Variants in CDK5RAP1 observed in about 807,000 individuals in gnomAD.
CDK5RAP1 encodes mitochondrial tRNA methylthiotransferase CDK5RAP1.
A neutral mutation model predicts 64.5 loss-of-function variants in CDK5RAP1; 62 were observed. The ratio of observed to expected loss-of-function variants is 0.96; its 90% CI spans 0.78 to 1.19. The LOEUF is 1.19. Ranked by LOEUF, CDK5RAP1 falls within the 50% of genes most tolerant of loss-of-function variation. The probability of loss-of-function intolerance (pLI) is 0.00; values close to 1 mark genes in which losing one functional copy is unlikely to be tolerated. For synonymous variants in CDK5RAP1, 250 were observed against 261.9 expected (o/e 0.95, Z 0.44); for missense variants, 657 against 735.0 (o/e 0.89, Z 1.23).
Position 33,395,008 on chromosome 20 carries a change from T to C in CDK5RAP1, c.408+5A>G, listed in dbSNP as rs375632694. The C allele has an allele frequency of 3.3e-6, 5 of 1,526,108 alleles. No individual in the cohort carries two copies. The highest frequency in any genetic ancestry group is 2.2e-5 in the East Asian group (1 of 44,480). The allele number at this position is 1,526,108 out of a possible 1,614,324, so 94.5% of individuals were successfully genotyped here. A position where few individuals can be genotyped will look rare whatever the true frequency, so the allele number is the denominator to read the frequency against. ...GGAAACAAAGGAAATAGGAAATGCATGTACCTCTTGGAGGTTACTGGTCCG... is the reference window on the plus strand; with the variant it reads ...GGAAACAAAGGAAATAGGAAATGCACGTACCTCTTGGAGGTTACTGGTCCG... On this transcript the variant is annotated splice_donor_5th_base_variant and intron_variant, in intron 3 of 13. Coordinates refer to ENST00000346416, the MANE Select transcript of CDK5RAP1 (RefSeq NM_016408.4).
intron 4 of CDK5RAP1, among the ~76,000 whole-genome samples, chr20:33,392,471 T>G (rs1988432610): frequency 6.6e-6 from 1 of 151,182 alleles, no homozygotes; most frequent in African/African-American, 2.4e-5. Flanking sequence ...GATTTTTTTT[T>G]TTTTTTTTTT....
intron 12 of CDK5RAP1, among the ~76,000 whole-genome samples, chr20:33,363,008 G>C (rs1983216856): frequency 6.6e-6 from 1 of 152,172 alleles, no homozygotes; most frequent in Admixed American, 6.5e-5. Context: ...AAGAAGGCTG[G>C]CAGACAGTAT....
intron 12 of CDK5RAP1, among the ~76,000 whole-genome samples, 180 bp downstream of exon 12, chr20:33,366,679 T>G (rs1251340148): frequency 6.6e-6 from 1 of 151,904 alleles, no homozygotes; most frequent in South Asian, 2.1e-4. Flanking sequence ...TACTGAAAAC[T>G]ACAAAAACTT....
In CDK5RAP1 at chr20:33,387,421, C is replaced by A; in HGVS notation, c.657G>T (p.Glu219Asp). The A allele has an allele frequency of 6.2e-7, 1 of 1,614,130 alleles. No homozygotes were observed. The highest frequency in any genetic ancestry group is 1.3e-5 in the African/African-American group (1 of 75,030). Residue 219 changes from glutamate (E) to aspartate (D), a missense_variant, in exon 6 of 14, where the codon GAG (glutamate) becomes GAT (aspartate). Physicochemically the swap from Glu to Asp is conservative, Grantham distance 45. Transcript: ENST00000346416. The part of the protein sequence containing the change: ...RDLPRLLAVA[E>D]SGQQAANVLL... Reference sequence around the variant, plus strand: ...GCACGTTGGCAGCTTGCTGGCCCGACTCAGCAACAGCCAGCAGCCGGGGAA... The same window carrying A: ...GCACGTTGGCAGCTTGCTGGCCCGAATCAGCAACAGCCAGCAGCCGGGGAA...
chr20:33,390,778 A>G (rs1230372974), intron 5 of CDK5RAP1, among the ~76,000 whole-genome samples: 1 of 152,126 alleles, frequency 6.6e-6, no homozygotes, highest in Non-Finnish European at 1.5e-5. Flanking sequence ...CATGGATCTG[A>G]TAACTAAATA....
intron 12 of CDK5RAP1, among the ~76,000 whole-genome samples, chr20:33,363,528 G>GA (rs954625441): frequency 5.3e-5 from 8 of 151,966 alleles, no homozygotes; most frequent in Non-Finnish European, 7.4e-5. Flanking sequence ...GATTCAAGGG[G>GA]AAAAAAAGTT....
chr20:33,373,468 T>C (rs1428571950), intron 9 of CDK5RAP1: 1 of 152,270 alleles, frequency 6.6e-6, no homozygotes, highest in Non-Finnish European at 1.5e-5. Flanking sequence ...TAAACTATTC[T>C]AAATAGCTTT....
At chr20:33,376,903 A>G (rs969500882) in intron 8 of CDK5RAP1, among the ~76,000 whole-genome samples, 1 of 152,182 alleles carries the variant, frequency 6.6e-6, no homozygotes, top group African/African-American at 2.4e-5. Flanking sequence ...TTCAACATTC[A>G]TGGATGATTT....
At chr20:33,388,070 A>G (rs1298619064) in intron 5 of CDK5RAP1, among the ~76,000 whole-genome samples, 2 of 147,994 alleles carry the variant, frequency 1.4e-5, no homozygotes, top group African/African-American at 4.9e-5. Context: ...CTCCGTCTCA[A>G]AAAAAAAAAA....
In CDK5RAP1 at chr20:33,389,037, G is replaced by A. The variant is rs371609813; in HGVS notation, c.545-1504C>T. Among the ~76,000 whole-genome samples the A allele has an allele frequency of 9.2e-5, 14 of 151,938 alleles. No individual in the cohort carries two copies. The East Asian group carries it at 1.4e-3, about 15-fold the overall frequency. On this transcript the variant is annotated intron_variant, in intron 5 of 13. Coordinates refer to ENST00000346416, the MANE Select transcript of CDK5RAP1 (RefSeq NM_016408.4). ...AGTGCCGAGATTGCAGCCTCTGCCC[G>A]GCCGCCACCCCGTCTGGGAAGTGAG...
chr20:33,391,244 G>GT (rs1451968470), intron 5 of CDK5RAP1, among the ~76,000 whole-genome samples: 30 of 75,010 alleles, frequency 4.0e-4, no homozygotes, highest in African/African-American at 9.7e-4. Context: ...GTGAGACTCT[G>GT]TTTTTAAAAA....
At chr20:33,371,373 C>T (rs1008664256) in intron 10 of CDK5RAP1, among the ~76,000 whole-genome samples, 2 of 152,190 alleles carry the variant, frequency 1.3e-5, no homozygotes, top group African/African-American at 4.8e-5. Context: ...CTGCATCCCA[C>T]AGAAATGAAG....
chr20:33,370,818 G>T (rs1984881531), intron 10 of CDK5RAP1, among the ~76,000 whole-genome samples, 189 bp from the exon 11 acceptor site: 2 of 152,184 alleles, frequency 1.3e-5, no homozygotes, highest in Non-Finnish European at 2.9e-5. Context: ...CCATGACAGA[G>T]ATCAGCTTCT....
At chr20:33,363,569 G>A (rs1401388676) in intron 12 of CDK5RAP1, among the ~76,000 whole-genome samples, 1 of 152,088 alleles carries the variant, frequency 6.6e-6, no homozygotes, top group Non-Finnish European at 1.5e-5. Context: ...TTCTCTATGG[G>A]TTTGCAGTTG....
intron 9 of CDK5RAP1, 75 bp downstream of exon 9, chr20:33,374,040 G>C: frequency 1.0e-6 from 1 of 1,003,962 alleles, no homozygotes; most frequent in Non-Finnish European, 1.6e-6. Context: ...CTAGGTTCTT[G>C]GCAACAAGGA....
At chr20:33,381,132 C>T (rs1986702142) in intron 7 of CDK5RAP1, among the ~76,000 whole-genome samples, 1 of 152,178 alleles carries the variant, frequency 6.6e-6, no homozygotes, top group African/African-American at 2.4e-5. Flanking sequence ...TGCCCAAATT[C>T]ATCAAATGTT....
At chr20:33,395,883 G>A (rs958799216) in intron 2 of CDK5RAP1, among the ~76,000 whole-genome samples, 3 of 151,630 alleles carry the variant, frequency 2.0e-5, no homozygotes, top group Admixed American at 1.3e-4. Flanking sequence ...GTGTGGTGGC[G>A]TGCACCTGTA....
At chr20:33,380,170 G>A (rs1233302576) in intron 7 of CDK5RAP1, among the ~76,000 whole-genome samples, 1 of 152,176 alleles carries the variant, frequency 6.6e-6, no homozygotes, top group African/African-American at 2.4e-5. Context: ...TCTTCAAAAA[G>A]TTAATGCATC....
chr20:33,380,376 T>C (rs866859530), intron 7 of CDK5RAP1, among the ~76,000 whole-genome samples: 8 of 152,130 alleles, frequency 5.3e-5, no homozygotes, highest in African/African-American at 1.4e-4. Flanking sequence ...TACCTTTTTT[T>C]ACTTTTGTAG....
Sources: allele counts gnomAD v4.1 joint callset (sites outside exome capture counted in the v4.1 genomes callset), GRCh38; gene constraint gnomAD v4.1.1; transcripts MANE v1.5; gene names NCBI Gene and HGNC (gene_info 2026-07-23, HGNC 2026-07-21).